The following GRIP1 variants were observed in gnomAD, a reference collection of about 807,000 sequenced individuals.
The protein encoded by GRIP1 is glutamate receptor-interacting protein 1.
A neutral mutation model predicts 129.9 loss-of-function variants in GRIP1; 45 were observed. That is an observed-to-expected ratio of 0.35 (90% confidence interval 0.27 to 0.44). The LOEUF (loss-of-function observed/expected upper bound fraction) is 0.44. Ranked by LOEUF, GRIP1 falls within the 20% of genes least tolerant of loss-of-function variation. GRIP1 has a pLI of 1.00. For synonymous variants in GRIP1, 530 were observed against 520.8 expected (o/e 1.02, Z -0.24); for missense variants, 1,196 against 1,396.8 (o/e 0.86, Z 2.29).
intron 1 of GRIP1, among the ~76,000 whole-genome samples, chr12:66,996,557 T>C (rs2042470403): frequency 1.3e-5 from 2 of 152,050 alleles, no homozygotes; most frequent in African/African-American, 2.4e-5. Flanking sequence ...AATTGCTCCT[T>C]TGCTACACAA....
intron 1 of GRIP1, among the ~76,000 whole-genome samples, chr12:66,994,717 GTCT>G (rs1345368530): frequency 1.3e-5 from 2 of 151,926 alleles, no homozygotes; most frequent in Non-Finnish European, 1.5e-5. Flanking sequence ...AAAATAGAAA[GTCT>G]TCTGTTAATG....
chr12:66,714,428 GAT>G (rs891553863), intron 1 of GRIP1, among the ~76,000 whole-genome samples: 10 of 152,016 alleles, frequency 6.6e-5, no homozygotes, highest in African/African-American at 2.4e-4. Flanking sequence ...GTCGTTGCCA[GAT>G]ATGTCTTTTA....
chr12:66,635,137 G>A (rs1254582389), intron 1 of GRIP1, among the ~76,000 whole-genome samples: 1 of 152,102 alleles, frequency 6.6e-6, no homozygotes, highest in African/African-American at 2.4e-5. Context: ...ACATAGTTTG[G>A]GTCAGGTGCA....
At chr12:66,526,853 A>G (rs901103456) in intron 5 of GRIP1, among the ~76,000 whole-genome samples, 50 of 150,774 alleles carry the variant, frequency 3.3e-4, no homozygotes, top group African/African-American at 1.1e-3. Flanking sequence ...ACCCCATCAA[A>G]AAGTGGGTGA....
intron 1 of GRIP1, among the ~76,000 whole-genome samples, chr12:66,946,442 T>C (rs1345246410): frequency 6.6e-6 from 1 of 152,154 alleles, no homozygotes; most frequent in East Asian, 1.9e-4. Flanking sequence ...TTCAAATATA[T>C]TCCCTAAATG....
chr12:66,734,806 C>A (rs1162505870), intron 1 of GRIP1, among the ~76,000 whole-genome samples: 4 of 152,088 alleles, frequency 2.6e-5, no homozygotes, highest in African/African-American at 9.7e-5. Context: ...TTAGGAAATT[C>A]ATTCTTAAAA....
At chr12:66,576,285 T>G (rs1199947637) in intron 2 of GRIP1, among the ~76,000 whole-genome samples, 1 of 152,268 alleles carries the variant, frequency 6.6e-6, no homozygotes, top group Non-Finnish European at 1.5e-5. Context: ...GTGAAAATGA[T>G]ACCCAAAGCC....
At chr12:66,822,800 T>C (rs1021855617) in intron 1 of GRIP1, among the ~76,000 whole-genome samples, 1 of 151,892 alleles carries the variant, frequency 6.6e-6, no homozygotes, top group Non-Finnish European at 1.5e-5. Context: ...AAGCAGAACA[T>C]TGGGTACACA....
chr12:67,064,011 G>A (rs991149315), intron 1 of GRIP1, among the ~76,000 whole-genome samples: 3 of 151,918 alleles, frequency 2.0e-5, no homozygotes, highest in Non-Finnish European at 4.4e-5. Context: ...TGGCAAATAC[G>A]CTTTGAAAAA....
Position 66,474,944 on chromosome 12 carries a change from C to T in GRIP1, c.725-9522G>A, listed in dbSNP as rs142602053. Among the ~76,000 whole-genome samples, 359 of 152,306 alleles carry T rather than the reference C, an allele frequency of 2.4e-3. 3 individuals carry two copies. Among genetic ancestry groups the T allele is most frequent in the African/African-American group, 8.2e-3 (342 of 41,548 alleles). On this transcript the variant is annotated intron_variant, in intron 7 of 24. Transcript: ENST00000359742. Reference sequence around the variant, plus strand: ...ACTAACAAGCAAAATGACCAGCTAACATCATAATGACAGGACCAAATTCAC... The same window carrying T: ...ACTAACAAGCAAAATGACCAGCTAATATCATAATGACAGGACCAAATTCAC...
intron 2 of GRIP1, among the ~76,000 whole-genome samples, chr12:66,593,277 G>C (rs1319586010): frequency 6.6e-6 from 1 of 152,130 alleles, no homozygotes; most frequent in Non-Finnish European, 1.5e-5. Flanking sequence ...AAAGGAGGGT[G>C]ATAAAAGGAT....
chr12:66,832,779 C>G (rs1419116002), intron 1 of GRIP1, among the ~76,000 whole-genome samples: 1 of 152,188 alleles, frequency 6.6e-6, no homozygotes, highest in East Asian at 1.9e-4. Context: ...ATTGGACAGG[C>G]ATATTATGAC....
chr12:66,973,251 CCTT>C (rs990114174), intron 1 of GRIP1, among the ~76,000 whole-genome samples: 4 of 112,102 alleles, frequency 3.6e-5, no homozygotes, highest in Admixed American at 9.6e-5. Flanking sequence ...TAAAAACACT[CCTT>C]AATACAAACA....
In GRIP1 at chr12:67,029,334, G is replaced by C. The variant is rs960291247; in HGVS notation, c.58+39716C>G. ...TTGCCTCATTGCCCAGGCTAGTCTT[G>C]AACTCCTGGGCTCAAGCGATCCACC... On this transcript the variant is annotated intron_variant, in intron 1 of 1. Coordinates refer to the GRIP1 transcript ENST00000643019. 1.1e-4 allele frequency among the ~76,000 whole-genome samples: 17 copies of C among 152,200 alleles called. No homozygotes were observed. In the East Asian group the frequency reaches 3.3e-3, roughly 29 times the overall value.
intron 1 of GRIP1, among the ~76,000 whole-genome samples, chr12:66,971,178 A>G (rs1332200628): frequency 6.6e-6 from 1 of 152,128 alleles, no homozygotes; most frequent in Non-Finnish European, 1.5e-5. Context: ...GCTGTAGGTA[A>G]GCAAATCTTA....
At chr12:66,647,492 A>C (rs2136123640) in intron 1 of GRIP1, 1 of 152,348 alleles carries the variant, frequency 6.6e-6, no homozygotes, top group East Asian at 1.9e-4. Flanking sequence ...ACAAAAATGC[A>C]CTTTAGCAGA....
chr12:66,834,041 G>A (rs2039565346), intron 1 of GRIP1, among the ~76,000 whole-genome samples: 1 of 152,106 alleles, frequency 6.6e-6, no homozygotes, highest in East Asian at 1.9e-4. Context: ...ACCTGGGCAA[G>A]GTGGTGTGTG....
chr12:66,638,139 G>T (rs1157225742), intron 1 of GRIP1, among the ~76,000 whole-genome samples: 1 of 152,170 alleles, frequency 6.6e-6, no homozygotes, highest in East Asian at 1.9e-4. Context: ...TCTTATGAAA[G>T]CAGTTATTTT....
intron 15 of GRIP1, among the ~76,000 whole-genome samples, chr12:66,410,335 GA>G (rs1288006003): frequency 1.1e-4 from 16 of 140,016 alleles, no homozygotes; most frequent in Admixed American, 2.2e-4. Context: ...GAAGATGAAA[GA>G]AAAAAAAAAG....
Sources: allele counts gnomAD v4.1 joint callset (sites outside exome capture counted in the v4.1 genomes callset), GRCh38; gene constraint gnomAD v4.1.1; transcripts MANE v1.5; gene names NCBI Gene and HGNC (gene_info 2026-07-23, HGNC 2026-07-21).